The following PREX1 variants were observed in gnomAD, a reference collection of about 807,000 sequenced individuals.
The protein encoded by PREX1 is phosphatidylinositol-3,4,5-trisphosphate dependent Rac exchange factor 1.
PREX1 carries 41 observed loss-of-function variants against 198.3 expected under a neutral mutation model. That is an observed-to-expected ratio of 0.21 (90% confidence interval 0.16 to 0.27). The LOEUF (loss-of-function observed/expected upper bound fraction) is 0.27, where lower values mean the gene tolerates loss of function less well. Among genes scored for constraint, PREX1 ranks in the 10% least tolerant of loss-of-function variants. PREX1 has a pLI of 1.00. For missense variants in PREX1, 1,620 were observed against 2,200.7 expected (o/e 0.74, Z 5.28); for synonymous variants, 843 against 887.2 (o/e 0.95, Z 0.89).
chr20:48,729,762 G>A (rs777045279), intron 4 of PREX1, among the ~76,000 whole-genome samples: 36 of 152,174 alleles, frequency 2.4e-4, no homozygotes, highest in African/African-American at 8.2e-4. Flanking sequence ...CTTCCTGCCC[G>A]GACATTGCAG....
At chr20:48,775,604 G>C (rs2090257322) in intron 1 of PREX1, among the ~76,000 whole-genome samples, 1 of 151,788 alleles carries the variant, frequency 6.6e-6, no homozygotes, top group Admixed American at 6.6e-5. Context: ...ATCTCATCTT[G>C]AGTTCCCACA....
chr20:48,746,692 C>T lies in PREX1; in HGVS notation c.291+1117G>A, dbSNP rs372401922. On this transcript the variant is annotated intron_variant, in intron 2 of 39. Transcript: ENST00000371941. ...TTCATGGTACACTGGTGCATTCGTA[C>T]GTAGACACGCACTGCATTCAGCACT... 3.4e-3 allele frequency among the ~76,000 whole-genome samples: 510 copies of T among 152,014 alleles called. 5 individuals carry two copies. Among genetic ancestry groups the T allele is most frequent in the Middle Eastern group, 0.014 (4 of 294 alleles).
chr20:48,650,106 T>C lies in PREX1; in HGVS notation c.2918A>G (p.His973Arg), dbSNP rs759657175. 6.2e-7 allele frequency: 1 copy of C among 1,614,000 alleles called. No homozygotes were observed. The change falls in exon 24 of 40, where the codon CAC (histidine) becomes CGC (arginine). Residue 973 changes from histidine (H) to arginine (R), a missense_variant. Transcript: ENST00000371941. Reference protein sequence around the residue: ...CGLDFCPTNCHINLMEVSYPK... With the variant: ...CGLDFCPTNCRINLMEVSYPK... ...GTAGGACACTTCCATGAGGTTGATGTGGCAATTGGTGGGGCAGAAGTCCAG... is the reference window on the plus strand; with the variant it reads ...GTAGGACACTTCCATGAGGTTGATGCGGCAATTGGTGGGGCAGAAGTCCAG...
intron 6 of PREX1, among the ~76,000 whole-genome samples, chr20:48,708,045 T>C (rs937130717): frequency 6.6e-5 from 10 of 152,222 alleles, no homozygotes; most frequent in Non-Finnish European, 1.2e-4. Flanking sequence ...CCATGAGATA[T>C]AGGGGCCCAG....
chr20:48,724,780 A>G (rs1346821578), intron 5 of PREX1, among the ~76,000 whole-genome samples: 2 of 152,222 alleles, frequency 1.3e-5, no homozygotes, highest in Non-Finnish European at 2.9e-5. Context: ...AGTTCGAAAG[A>G]CACATCACAC....
upstream of PREX1, among the ~76,000 whole-genome samples, chr20:48,832,992 A>G (rs2090540380): frequency 6.6e-6 from 1 of 152,150 alleles, no homozygotes; most frequent in Non-Finnish European, 1.5e-5. Context: ...AGCACCAGAG[A>G]CCAGCTTCTC....
rs2089320602 is a variant in PREX1 at position 48,632,274 on chromosome 20, T to C, written c.4526+3A>G. ...GCCCCCAACGGGGACCCCAGGCGGA[T>C]ACCTGAGTTTGCGGTAATACTGCTG... On this transcript the variant is annotated splice_donor_region_variant and intron_variant, in intron 35 of 39. Coordinates refer to ENST00000371941, the MANE Select transcript of PREX1 (RefSeq NM_020820.4). 1 of 1,613,704 alleles carries C rather than the reference T, an allele frequency of 6.2e-7. No homozygotes were observed. The highest frequency in any genetic ancestry group is 1.7e-5 in the Admixed American group (1 of 60,016).
intron 1 of PREX1, among the ~76,000 whole-genome samples, chr20:48,772,037 T>C (rs2122883856): frequency 6.6e-6 from 1 of 151,678 alleles, no homozygotes; most frequent in South Asian, 2.1e-4. Context: ...CTACTAAAAA[T>C]ACAAAAATTA....
At chr20:48,662,916 G>A (rs2089607644) in intron 15 of PREX1, among the ~76,000 whole-genome samples, 1 of 152,320 alleles carries the variant, frequency 6.6e-6, no homozygotes, top group East Asian at 1.9e-4. Flanking sequence ...AGCAGCTGGG[G>A]AGGACCCCTA....
At chr20:48,790,399 G>A (rs2090332937) in intron 1 of PREX1, among the ~76,000 whole-genome samples, 1 of 152,000 alleles carries the variant, frequency 6.6e-6, no homozygotes, top group South Asian at 2.1e-4. Flanking sequence ...GGAAACAGAG[G>A]AACAAAAGGC....
the PREX1 span, among the ~76,000 whole-genome samples, chr20:48,877,289 G>A: frequency 4.6e-5 from 7 of 150,944 alleles, no homozygotes; most frequent in African/African-American, 1.5e-4. Context: ...AAAAAAGAAA[G>A]AAAAAAAAGT....
At chr20:48,736,292 T>C (rs551530216) in intron 3 of PREX1, among the ~76,000 whole-genome samples, 10 of 151,974 alleles carry the variant, frequency 6.6e-5, no homozygotes, top group Non-Finnish European at 1.5e-4. Flanking sequence ...TGCACCCCCA[T>C]ACACACACAC....
intron 23 of PREX1, 125 bp downstream of exon 23, chr20:48,650,769 C>A: frequency 1.6e-6 from 2 of 1,240,550 alleles, no homozygotes; most frequent in African/African-American, 1.5e-5. Context: ...TAATACACAC[C>A]ATACATTCTC....
chr20:48,723,091 G>A (rs1160390653), intron 5 of PREX1, among the ~76,000 whole-genome samples: 1 of 152,218 alleles, frequency 6.6e-6, no homozygotes, highest in Non-Finnish European at 1.5e-5. Context: ...GAATGTTCCA[G>A]CTATTCTTAG....
intron 1 of PREX1, among the ~76,000 whole-genome samples, chr20:48,767,599 C>T (rs1011009075): frequency 6.6e-6 from 1 of 152,190 alleles, no homozygotes; most frequent in African/African-American, 2.4e-5. Context: ...GTTACCATCA[C>T]TGATGGGGTT....
intron 25 of PREX1, among the ~76,000 whole-genome samples, chr20:48,647,083 AG>A (rs755507652): frequency 2.6e-5 from 4 of 152,076 alleles, no homozygotes; most frequent in Non-Finnish European, 5.9e-5. Context: ...TACAAAAATT[AG>A]CCAGGCATGG....
Position 48,775,143 on chromosome 20 carries a change from T to C in PREX1, c.220-27263A>G, listed in dbSNP as rs556053893. On this transcript the variant is annotated intron_variant, in intron 1 of 39. Transcript: ENST00000371941. ...ATTGGTTCTCTCGGCAAATGACGCA[T>C]GTAGCACGTCCAGAAGGACAGGCAC... Among the ~76,000 whole-genome samples, 16 of 152,264 alleles carry C rather than the reference T, an allele frequency of 1.1e-4. No individual in the cohort carries two copies. The South Asian group carries it at 2.9e-3, about 28-fold the overall frequency.
intron 4 of PREX1, among the ~76,000 whole-genome samples, chr20:48,731,003 A>AAAAAC (rs1215779176): frequency 6.6e-6 from 1 of 152,164 alleles, no homozygotes; most frequent in African/African-American, 2.4e-5. Flanking sequence ...CTCAAAAAGC[A>AAAAAC]AAAACAAAAC....
At chr20:48,737,543 G>A (rs901926211) in intron 3 of PREX1, among the ~76,000 whole-genome samples, 5 of 152,148 alleles carry the variant, frequency 3.3e-5, no homozygotes, top group African/African-American at 1.2e-4. Flanking sequence ...GAACGGAGAG[G>A]CTAAAGGGCC....
Sources: allele counts gnomAD v4.1 joint callset (sites outside exome capture counted in the v4.1 genomes callset), GRCh38; gene constraint gnomAD v4.1.1; transcripts MANE v1.5; gene names NCBI Gene and HGNC (gene_info 2026-07-23, HGNC 2026-07-21).